The following LRRTM4 variants were observed in gnomAD, a reference collection of about 807,000 sequenced individuals.
LRRTM4 encodes the protein leucine-rich repeat transmembrane neuronal protein 4.
A neutral mutation model predicts 47.6 loss-of-function variants in LRRTM4; 25 were observed. The observed-to-expected ratio is 0.53, with a 90% CI of 0.38 to 0.73. The LOEUF is 0.73. Ranked by LOEUF, LRRTM4 falls within the 30% of genes least tolerant of loss-of-function variation. The pLI is 0.00. For synonymous variants in LRRTM4, 311 were observed against 269.5 expected, an observed-to-expected ratio of 1.15 and a Z score of -1.51; for missense variants, 638 against 713.4, an observed-to-expected ratio of 0.89 and a Z score of 1.20.
chr2:77,215,273 G>A (rs959265484), intron 3 of LRRTM4, among the ~76,000 whole-genome samples: 13 of 152,274 alleles, frequency 8.5e-5, no homozygotes, highest in African/African-American at 1.9e-4. Context: ...AGAAGATTTC[G>A]AAGGGAATGA....
intron 3 of LRRTM4, among the ~76,000 whole-genome samples, chr2:76,798,073 T>C (rs1030514451): frequency 2.0e-5 from 3 of 150,918 alleles, no homozygotes; most frequent in Non-Finnish European, 4.4e-5. Context: ...TACCCAGGAA[T>C]TGAACTCAGC....
intron 3 of LRRTM4, among the ~76,000 whole-genome samples, chr2:77,504,306 C>A (rs1678685701): frequency 6.6e-6 from 1 of 151,500 alleles, no homozygotes; most frequent in Admixed American, 6.6e-5. Context: ...GTTGTCACAT[C>A]GACCATATGG....
chr2:77,356,797 T>C (rs755712944), intron 3 of LRRTM4, among the ~76,000 whole-genome samples: 19 of 152,174 alleles, frequency 1.2e-4, no homozygotes, highest in Non-Finnish European at 2.2e-4. Flanking sequence ...TTATATGTTA[T>C]CTCTCAAACT....
chr2:76,838,784 A>G (rs1467081584), intron 3 of LRRTM4, among the ~76,000 whole-genome samples: 1 of 152,124 alleles, frequency 6.6e-6, no homozygotes, highest in Non-Finnish European at 1.5e-5. Context: ...GGACATGTTA[A>G]TAACAGCTCA....
intron 3 of LRRTM4, among the ~76,000 whole-genome samples, chr2:77,147,497 G>A (rs760093597): frequency 3.9e-5 from 6 of 152,096 alleles, no homozygotes; most frequent in Non-Finnish European, 8.8e-5. Flanking sequence ...ATGCCATCAC[G>A]TTTCTGTCCT....
At chr2:77,153,044 T>C (rs952494531) in intron 3 of LRRTM4, among the ~76,000 whole-genome samples, 7 of 152,184 alleles carry the variant, frequency 4.6e-5, no homozygotes, top group African/African-American at 9.7e-5. Flanking sequence ...AAAAAAAGCA[T>C]ATTCCTTCTG....
chr2:77,192,869 T>C (rs539799962), intron 3 of LRRTM4, among the ~76,000 whole-genome samples: 17 of 152,318 alleles, frequency 1.1e-4, no homozygotes, highest in African/African-American at 4.1e-4. Context: ...ATTAGCACAG[T>C]AGCACAAACT....
chr2:77,179,475 A>T (rs534845047), intron 3 of LRRTM4, among the ~76,000 whole-genome samples: 1 of 152,082 alleles, frequency 6.6e-6, no homozygotes, highest in Non-Finnish European at 1.5e-5. Flanking sequence ...GAGGTTTAGT[A>T]ATCGTTTGTT....
intron 3 of LRRTM4, among the ~76,000 whole-genome samples, chr2:77,481,574 G>GA (rs1210965967): frequency 6.4e-4 from 96 of 149,660 alleles, no homozygotes; most frequent in Middle Eastern, 3.4e-3. Context: ...AAAAGCCAGA[G>GA]AAAAAAAAAA....
intron 3 of LRRTM4, among the ~76,000 whole-genome samples, chr2:77,156,707 CTTT>C (rs550760078): frequency 9.5e-5 from 13 of 136,134 alleles, no homozygotes; most frequent in Non-Finnish European, 8.0e-5. Context: ...GAGCCTTCAA[CTTT>C]TTTTTTTTTT....
chr2:76,773,445 C>A (rs936349420), intron 3 of LRRTM4, among the ~76,000 whole-genome samples: 7 of 152,154 alleles, frequency 4.6e-5, no homozygotes, highest in African/African-American at 1.7e-4. Context: ...AAACTCATAA[C>A]ATTTCAGTGA....
intron 3 of LRRTM4, among the ~76,000 whole-genome samples, chr2:76,752,646 T>C (rs1271763198): frequency 6.6e-6 from 1 of 152,186 alleles, no homozygotes; most frequent in Non-Finnish European, 1.5e-5. Flanking sequence ...GTGTATTCTA[T>C]AGGGCACTAT....
At chr2:77,216,002 A>G (rs1334319825) in intron 3 of LRRTM4, among the ~76,000 whole-genome samples, 1 of 152,130 alleles carries the variant, frequency 6.6e-6, no homozygotes, top group African/African-American at 2.4e-5. Flanking sequence ...TTGCTGTGCT[A>G]CCTGCAGAAC....
At chr2:76,968,334 ATG>A (rs1413039404) in intron 3 of LRRTM4, among the ~76,000 whole-genome samples, 15 of 106,508 alleles carry the variant, frequency 1.4e-4, no homozygotes, top group Admixed American at 2.1e-4. Flanking sequence ...AAAAGTGTGT[ATG>A]TGTGTATATA....
chr2:76,936,815 G>T (rs533521489), intron 3 of LRRTM4, among the ~76,000 whole-genome samples: 1 of 150,692 alleles, frequency 6.6e-6, no homozygotes, highest in Admixed American at 6.6e-5. Flanking sequence ...TTAGCTGGGC[G>T]TGGTGGCAGG....
chr2:76,813,868 C>T (rs1255397643), intron 3 of LRRTM4, among the ~76,000 whole-genome samples: 1 of 151,874 alleles, frequency 6.6e-6, no homozygotes, highest in Non-Finnish European at 1.5e-5. Context: ...TACTAATGCA[C>T]TGGTATTACA....
intron 3 of LRRTM4, among the ~76,000 whole-genome samples, chr2:77,092,557 C>T (rs1429369282): frequency 7.7e-6 from 1 of 130,002 alleles, no homozygotes; most frequent in Admixed American, 7.6e-5. Flanking sequence ...CCTTTCCCTA[C>T]ACATCAAGCT....
intron 3 of LRRTM4, among the ~76,000 whole-genome samples, chr2:77,202,869 C>T (rs1478983288): frequency 1.3e-5 from 2 of 152,010 alleles, no homozygotes; most frequent in African/African-American, 4.8e-5. Context: ...TTTTCATCTT[C>T]TAAGGAAAAG....
At chr2:76,807,927 C>T (rs567616471) in intron 3 of LRRTM4, among the ~76,000 whole-genome samples, 26 of 116,304 alleles carry the variant, frequency 2.2e-4, no homozygotes, top group Middle Eastern at 4.7e-3. Context: ...TCCTTTCTTT[C>T]CTTTCCTTTC....
Sources: allele counts gnomAD v4.1 joint callset (sites outside exome capture counted in the v4.1 genomes callset), GRCh38; gene constraint gnomAD v4.1.1; transcripts MANE v1.5; gene names NCBI Gene and HGNC (gene_info 2026-07-23, HGNC 2026-07-21).